RSPO2: variants seen among roughly 807,000 people sequenced by gnomAD.
RSPO2 encodes the protein R-spondin-2.
A neutral mutation model predicts 30.9 loss-of-function variants in RSPO2; 14 were observed. The ratio of observed to expected loss-of-function variants is 0.45; its 90% CI spans 0.30 to 0.71. The LOEUF is 0.71. RSPO2 is among the 30% of genes least tolerant of loss of function. RSPO2 has a pLI of 0.08. For synonymous variants in RSPO2, 107 were observed against 96.4 expected (o/e 1.11, Z -0.64); for missense variants, 264 against 301.9 (o/e 0.87, Z 0.93).
At chr8:107,987,810 ACTCTT>A (rs1814698029) in intron 3 of RSPO2, among the ~76,000 whole-genome samples, 1 of 152,086 alleles carries the variant, frequency 6.6e-6, no homozygotes, top group Non-Finnish European at 1.5e-5. Flanking sequence ...TGTAATTCAA[ACTCTT>A]CTCATCTAAA....
chr8:107,961,442 C>T (rs149311055), intron 3 of RSPO2, among the ~76,000 whole-genome samples: 1 of 152,244 alleles, frequency 6.6e-6, no homozygotes, highest in African/African-American at 2.4e-5. Flanking sequence ...GTAGAAACTC[C>T]ATTTTGCAAA....
At chr8:108,069,850 G>C (rs1029389709) in intron 2 of RSPO2, among the ~76,000 whole-genome samples, 1 of 152,134 alleles carries the variant, frequency 6.6e-6, no homozygotes, top group Non-Finnish European at 1.5e-5. Flanking sequence ...TCTCTACCTT[G>C]TCTGAACGGG....
At chr8:107,999,569 GGA>G (rs1815157397) in intron 2 of RSPO2, among the ~76,000 whole-genome samples, 1 of 151,972 alleles carries the variant, frequency 6.6e-6, no homozygotes, top group Non-Finnish European at 1.5e-5. Flanking sequence ...CGAGTAGTTG[GGA>G]CTACAGGCTT....
chr8:107,906,725 T>C (rs1302745602), intron 5 of RSPO2, among the ~76,000 whole-genome samples: 1 of 152,036 alleles, frequency 6.6e-6, no homozygotes, highest in Non-Finnish European at 1.5e-5. Flanking sequence ...CACTATGTCC[T>C]ATGTAGCCTA....
intron 5 of RSPO2, among the ~76,000 whole-genome samples, chr8:107,922,238 A>G (rs1812197229): frequency 6.6e-6 from 1 of 152,258 alleles, no homozygotes; most frequent in Middle Eastern, 3.4e-3. Context: ...CACCTGATAA[A>G]CAACTTTAGA....
chr8:108,008,677 TTTCATAATATA>T (rs1256459491), intron 2 of RSPO2, among the ~76,000 whole-genome samples: 1 of 152,048 alleles, frequency 6.6e-6, no homozygotes, highest in Non-Finnish European at 1.5e-5. Context: ...TGTACCCTAA[TTTCATAATATA>T]TCAAATATAC....
chr8:108,069,997 T>C (rs1812789210), intron 2 of RSPO2, among the ~76,000 whole-genome samples: 1 of 152,232 alleles, frequency 6.6e-6, no homozygotes, highest in South Asian at 2.1e-4. Context: ...ATTATAGTCA[T>C]ATTGAAATCT....
chr8:108,027,183 A>G (rs1448885619), intron 2 of RSPO2, among the ~76,000 whole-genome samples: 1 of 152,240 alleles, frequency 6.6e-6, no homozygotes, highest in Non-Finnish European at 1.5e-5. Flanking sequence ...TTTCTTAAAT[A>G]ATAAAGCTCA....
At chr8:108,032,983 A>G (rs113626998) in intron 2 of RSPO2, among the ~76,000 whole-genome samples, 6,140 of 143,890 alleles carry the variant, frequency 0.043, 440 homozygotes, top group African/African-American at 0.15. Context: ...CCGGGAGGCG[A>G]AGCTTGCAGT....
chr8:108,026,583 A>G (rs1811225305), intron 2 of RSPO2, among the ~76,000 whole-genome samples: 1 of 152,146 alleles, frequency 6.6e-6, no homozygotes. Context: ...AAATACTAAC[A>G]AGGCCAGGAG....
intron 4 of RSPO2, among the ~76,000 whole-genome samples, chr8:107,959,321 G>A (rs540967748): frequency 2.8e-4 from 43 of 152,252 alleles, no homozygotes; most frequent in African/African-American, 9.4e-4. Flanking sequence ...TACTACATAC[G>A]TAAAAACTTT....
At position 107,935,088 on chromosome 8, in the gene RSPO2, C is replaced by T. The variant is rs1235263454; in HGVS notation, c.616+22992G>A. 8.5e-5 allele frequency among the ~76,000 whole-genome samples: 13 copies of T among 152,106 alleles called. No homozygotes were observed. In the East Asian group the frequency reaches 1.4e-3, roughly 16 times the overall value. On this transcript the variant is annotated intron_variant, in intron 5 of 5. Coordinates refer to ENST00000276659, the MANE Select transcript of RSPO2 (RefSeq NM_178565.5). ...GATAACCATTGGACCTGACTGCCTG[C>T]GGGGCGGGACAGAACAGAATAGTAT...
chr8:108,026,047 T>C (rs1005236006), intron 2 of RSPO2, among the ~76,000 whole-genome samples: 1 of 152,170 alleles, frequency 6.6e-6, no homozygotes, highest in Non-Finnish European at 1.5e-5. Context: ...AACCTTAACA[T>C]AGTGATCAAA....
At position 107,901,110 on chromosome 8, in the gene RSPO2, T is replaced by C. The variant is rs564925416; in HGVS notation, c.697A>G (p.Ser233Gly). The change falls in exon 6 of 6, where the codon AGC becomes GGC. Residue 233 changes from serine to glycine, a missense_variant. Ser to Gly is a moderately conservative substitution (Grantham distance 56). Coordinates refer to ENST00000276659, the MANE Select transcript of RSPO2 (RefSeq NM_178565.5). ...KLIERAQEQH[S>G]VFLATDRANQ ...GCTCTGTCTGTAGCTAGGAAGACGC[T>C]GTGTTGCTCCTGGGCCCTTTCTATC... The C allele has an allele frequency of 5.6e-6, 9 of 1,614,180 alleles. No individual in the cohort carries two copies. The East Asian group carries it at 1.3e-4, about 24-fold the overall frequency.
intron 5 of RSPO2, among the ~76,000 whole-genome samples, chr8:107,904,644 A>G (rs944936424): frequency 6.6e-6 from 1 of 152,088 alleles, no homozygotes; most frequent in Admixed American, 6.6e-5. Context: ...TCTGGGAATA[A>G]GAAAACCTGG....
At chr8:107,937,025 G>T (rs1482219224) in intron 5 of RSPO2, among the ~76,000 whole-genome samples, 1 of 151,934 alleles carries the variant, frequency 6.6e-6, no homozygotes, top group East Asian at 1.9e-4. Context: ...TGTTATAGTT[G>T]TCTGTACTTT....
rs1415717083 is a variant in RSPO2 at position 108,082,701 on chromosome 8, G to T, written c.-63C>A. On this transcript the variant is annotated 5_prime_UTR_variant, in exon 2 of 6. Transcript: ENST00000276659. ...CTAGGAACTGGAGGGTTCGCCCAAA[G>T]AGCCGGCGCCGGCCGCGCTGCTGGG... The T allele has an allele frequency of 6.9e-7, 1 of 1,439,298 alleles. No individual in the cohort carries two copies. Among genetic ancestry groups the T allele is most frequent in the Non-Finnish European group, 9.7e-7 (1 of 1,029,974 alleles). 89.2% of individuals were successfully genotyped at this position (1,439,298 alleles called of 1,614,324 possible). A position where few individuals can be genotyped will look rare whatever the true frequency, so the allele number is the denominator to read the frequency against.
chr8:107,952,008 C>T (rs1813265880), intron 5 of RSPO2, among the ~76,000 whole-genome samples: 1 of 152,064 alleles, frequency 6.6e-6, no homozygotes, highest in Non-Finnish European at 1.5e-5. Flanking sequence ...CTACCACCAC[C>T]ATCACCAGGT....
intron 2 of RSPO2, among the ~76,000 whole-genome samples, chr8:108,008,563 T>G (rs1018029039): frequency 3.3e-5 from 5 of 152,192 alleles, no homozygotes; most frequent in African/African-American, 1.2e-4. Context: ...TCACTGTGAA[T>G]TATTAATCAT....
Sources: gnomAD v4.1 joint callset for allele counts (sites outside exome capture counted in the v4.1 genomes callset) on GRCh38, gnomAD v4.1.1 for gene constraint, MANE v1.5 for transcripts, NCBI Gene and HGNC (gene_info 2026-07-23, HGNC 2026-07-21) for gene names.